Variants in CHD7 observed in about 807,000 individuals in gnomAD.
The protein encoded by CHD7 is ATP-dependent chromatin remodeler CHD7.
A neutral mutation model predicts 307.3 loss-of-function variants in CHD7; 24 were observed. That is an observed-to-expected ratio of 0.08 (90% CI 0.06 to 0.11). The LOEUF (loss-of-function observed/expected upper bound fraction) is 0.11. Among genes scored for constraint, CHD7 ranks in the 10% least tolerant of loss-of-function variants. The probability of loss-of-function intolerance (pLI) is 1.00; values close to 1 mark genes in which losing one functional copy is unlikely to be tolerated. For missense variants in CHD7, 3,106 were observed against 3,727.1 expected (o/e 0.83, Z 4.34); for synonymous variants, 1,363 against 1,349.9 (o/e 1.01, Z -0.21).
intron 7 of CHD7, among the ~76,000 whole-genome samples, chr8:60,812,525 A>G (rs909565344): frequency 1.3e-5 from 2 of 152,000 alleles, no homozygotes; most frequent in Admixed American, 6.6e-5. Flanking sequence ...TTAGCTGAGC[A>G]TGGTGGCGGG....
chr8:60,742,822 A>C lies in CHD7; in HGVS notation c.1390A>C (p.Met464Leu). Residue 464 changes from methionine (M) to leucine (L), a missense_variant, in exon 2 of 38, where the codon ATG becomes CTG. Met to Leu is a conservative substitution (Grantham distance 15). Coordinates refer to ENST00000423902, the MANE Select transcript of CHD7 (RefSeq NM_017780.4). The part of the protein sequence containing the change: ...NMQQSRPFIG[M>L]SSAPRELTGH... ...GCAGCAGTCTCGTCCATTTATAGGC[A>C]TGTCCTCGGCACCAAGGGAATTGAC... 3.1e-6 allele frequency: 5 copies of C among 1,613,836 alleles called. No homozygotes were observed. Among genetic ancestry groups the C allele is most frequent in the Non-Finnish European group, 4.2e-6 (5 of 1,179,786 alleles).
intron 34 of CHD7, among the ~76,000 whole-genome samples, chr8:60,858,836 C>T (rs756189148): frequency 5.3e-5 from 8 of 152,178 alleles, no homozygotes; most frequent in Non-Finnish European, 7.3e-5. Flanking sequence ...TCTCAAACTT[C>T]TGGGCTCAAG....
chr8:60,757,973 C>G (rs970715034), intron 2 of CHD7, among the ~76,000 whole-genome samples: 11 of 152,102 alleles, frequency 7.2e-5, no homozygotes, highest in Admixed American at 2.0e-4. Flanking sequence ...TCCTGATGCT[C>G]TTAAATATTG....
rs540939638 is a variant in CHD7 at position 60,850,875 on chromosome 8, C to A, written c.5535-157C>A. The A allele has an allele frequency of 9.9e-5, 68 of 684,696 alleles. No individual in the cohort carries two copies. The South Asian group carries it at 1.2e-3, about 13-fold the overall frequency. 42.4% of individuals were successfully genotyped at this position (684,696 alleles called of 1,614,324 possible). A position where few individuals can be genotyped will look rare whatever the true frequency, so the allele number is the denominator to read the frequency against. ...CCCCAGACCCCCTCCACCACACTGC[C>A]ATGGCTGCATGTTTTAAATACTGAT... On this transcript the variant is annotated intron_variant, in intron 26 of 37. Coordinates refer to ENST00000423902, the MANE Select transcript of CHD7 (RefSeq NM_017780.4).
chr8:60,799,995 A>C (rs2150707601), intron 4 of CHD7, among the ~76,000 whole-genome samples: 1 of 151,998 alleles, frequency 6.6e-6, no homozygotes, highest in Middle Eastern at 3.4e-3. Flanking sequence ...ATTTAAAAAA[A>C]TTCATCCTTC....
intron 16 of CHD7, among the ~76,000 whole-genome samples, chr8:60,836,596 C>T (rs879845119): frequency 1.3e-5 from 2 of 152,134 alleles, no homozygotes; most frequent in Admixed American, 1.3e-4. Flanking sequence ...TAGAATTTAA[C>T]TATTTCCCTG....
At chr8:60,832,556 C>T (rs907902980) in intron 15 of CHD7, among the ~76,000 whole-genome samples, 3 of 151,974 alleles carry the variant, frequency 2.0e-5, no homozygotes, top group African/African-American at 7.3e-5. Context: ...CATGTGTTTG[C>T]ATTTAATAGC....
At chr8:60,860,384 A>G (rs775170398) in intron 34 of CHD7, among the ~76,000 whole-genome samples, 1 of 152,276 alleles carries the variant, frequency 6.6e-6, no homozygotes, top group South Asian at 2.1e-4. Context: ...TTTTTTACCT[A>G]ATTACTAGTT....
intron 1 of CHD7, among the ~76,000 whole-genome samples, chr8:60,714,097 G>C (rs972103065): frequency 1.3e-5 from 2 of 151,620 alleles, no homozygotes; most frequent in African/African-American, 4.8e-5. Context: ...CGGCGGGCGG[G>C]GTGGGCCGGG....
rs1173503101 is a variant in CHD7 at position 60,860,945 on chromosome 8, G to A, written c.7650G>A (p.Glu2550=). 4 of 1,613,908 alleles carry A rather than the reference G, an allele frequency of 2.5e-6. No individual in the cohort carries two copies. Among genetic ancestry groups the A allele is most frequent in the Non-Finnish European group, 3.4e-6 (4 of 1,179,858 alleles). ...EVTKAFEEDI[E]TPPTRNIPSP... is the part of the protein sequence containing the mutation. ...CCAAAGCTTTTGAAGAAGATATAGA[G>A]ACCCCACCAACAAGAAACATTCCTT... Residue 2550 remains glutamate, a synonymous_variant, in exon 35 of 38, where the codon GAG becomes GAA. Coordinates refer to ENST00000423902, the MANE Select transcript of CHD7 (RefSeq NM_017780.4).
chr8:60,728,296 A>C (rs1330015488), intron 1 of CHD7, among the ~76,000 whole-genome samples: 1 of 152,234 alleles, frequency 6.6e-6, no homozygotes, highest in Admixed American at 6.5e-5. Context: ...GTATAGTATT[A>C]GCGGAGAGAT....
chr8:60,696,016 A>G (rs540415423), intron 1 of CHD7, among the ~76,000 whole-genome samples: 59 of 152,338 alleles, frequency 3.9e-4, no homozygotes, highest in Non-Finnish European at 6.0e-4. Flanking sequence ...TATAAGCCAC[A>G]GCATTTCTTT....
At chr8:60,795,267 C>G (rs567235434) in intron 4 of CHD7, 140 bp downstream of exon 4, 14 of 800,856 alleles carry the variant, frequency 1.7e-5, no homozygotes, top group Non-Finnish European at 2.5e-5. Flanking sequence ...AACATTATCT[C>G]CATAGCGATG....
At chr8:60,836,364 G>A in intron 16 of CHD7, 81 bp downstream of exon 16, 1 of 1,172,998 alleles carries the variant, frequency 8.5e-7, no homozygotes, top group Non-Finnish European at 1.2e-6. Context: ...CCTAAAAGTG[G>A]AATCTATGAT....
chr8:60,818,882 A>G (rs1395869044), intron 8 of CHD7, among the ~76,000 whole-genome samples: 1 of 152,204 alleles, frequency 6.6e-6, no homozygotes, highest in Non-Finnish European at 1.5e-5. Flanking sequence ...AGGTGCACAT[A>G]ATAAAATGTG....
At chr8:60,765,190 G>A (rs955106841) in intron 2 of CHD7, among the ~76,000 whole-genome samples, 11 of 125,646 alleles carry the variant, frequency 8.8e-5, no homozygotes, top group Non-Finnish European at 1.5e-4. Context: ...TGCATTAGAT[G>A]TTGGGGATAT....
At chr8:60,704,795 G>GC (rs1215062992) in intron 1 of CHD7, among the ~76,000 whole-genome samples, 1 of 152,132 alleles carries the variant, frequency 6.6e-6, no homozygotes, top group Non-Finnish European at 1.5e-5. Flanking sequence ...TATTCATGGG[G>GC]CCACCCCTAA....
At position 60,822,577 on chromosome 8, in the gene CHD7, A is replaced by T. The variant is rs765436594; in HGVS notation, c.3032A>T (p.Tyr1011Phe). 2 of 1,613,844 alleles carry T rather than the reference A, an allele frequency of 1.2e-6. No homozygotes were observed. Among genetic ancestry groups the T allele is most frequent in the Non-Finnish European group, 1.7e-6 (2 of 1,179,726 alleles). Residue 1011 changes from tyrosine to phenylalanine, a missense_variant, in exon 12 of 38, where the codon TAT becomes TTT. Physicochemically the swap from Tyr to Phe is conservative, Grantham distance 22. Around this residue, in one of 10 missense-constraint regions of CHD7, gnomAD observed 188 missense variants for 261.7 expected, o/e 0.72. Coordinates refer to ENST00000423902, the MANE Select transcript of CHD7 (RefSeq NM_017780.4). The part of the protein sequence containing the change: ...IQSITFLYEI[Y>F]LKGIHGPFLV... ...TCCATTACATTTCTCTATGAGATAT[A>T]TTTGAAAGGAATCCATGGCCCTTTT...
At chr8:60,851,781 GTTTC>G (rs1805466522) in intron 28 of CHD7, among the ~76,000 whole-genome samples, 1 of 152,154 alleles carries the variant, frequency 6.6e-6, no homozygotes, top group South Asian at 2.1e-4. Flanking sequence ...TGTAAAGTGT[GTTTC>G]TTTATGTAGG....
Sources: allele counts gnomAD v4.1 joint callset (sites outside exome capture counted in the v4.1 genomes callset), GRCh38; gene constraint gnomAD v4.1.1; regional missense constraint gnomAD v4.1.1; transcripts MANE v1.5; gene names NCBI Gene and HGNC (gene_info 2026-07-23, HGNC 2026-07-21).